The following MYO3A variants were observed in gnomAD, a reference collection of about 807,000 sequenced individuals.
The protein encoded by MYO3A is myosin IIIA.
In MYO3A, 180 loss-of-function variants were observed where a neutral mutation model predicts 192.7. That is an observed-to-expected ratio of 0.93 (90% CI 0.83 to 1.06). The LOEUF (loss-of-function observed/expected upper bound fraction) is 1.06. MYO3A is among the 50% of genes least tolerant of loss of function. MYO3A has a pLI of 0.00. For missense variants in MYO3A, 1,896 were observed against 1,905.0 expected (o/e 1.00, Z 0.09); for synonymous variants, 628 against 645.3 (o/e 0.97, Z 0.41).
intron 17 of MYO3A, among the ~76,000 whole-genome samples, chr10:26,113,711 G>A (rs950747800): frequency 6.6e-6 from 1 of 152,094 alleles, no homozygotes; most frequent in African/African-American, 2.4e-5. Flanking sequence ...ATAATTCTGT[G>A]CTAGGGAGTC....
At chr10:26,018,895 G>A (rs1021733121) in intron 7 of MYO3A, among the ~76,000 whole-genome samples, 4 of 152,090 alleles carry the variant, frequency 2.6e-5, no homozygotes, top group African/African-American at 9.7e-5. Flanking sequence ...TGGGGCAAAA[G>A]ACATTATTTT....
chr10:26,029,650 T>C (rs1367393636), intron 10 of MYO3A, among the ~76,000 whole-genome samples: 1 of 152,204 alleles, frequency 6.6e-6, no homozygotes, highest in Non-Finnish European at 1.5e-5. Context: ...TCTTTTCATA[T>C]CTGACTTTTT....
intron 6 of MYO3A, among the ~76,000 whole-genome samples, chr10:26,004,552 C>G (rs1180527276): frequency 6.6e-6 from 1 of 152,022 alleles, no homozygotes; most frequent in Non-Finnish European, 1.5e-5. Context: ...CATCTAGCAC[C>G]TAGCTTTTGG....
intron 28 of MYO3A, among the ~76,000 whole-genome samples, chr10:26,169,594 C>T (rs1841940319): frequency 6.6e-6 from 1 of 152,010 alleles, no homozygotes; most frequent in Non-Finnish European, 1.5e-5. Flanking sequence ...TTTTATGATC[C>T]ACTAATGGTT....
chr10:26,210,229 A>G (rs1376004622), intron 34 of MYO3A, among the ~76,000 whole-genome samples: 1 of 152,236 alleles, frequency 6.6e-6, no homozygotes, highest in Non-Finnish European at 1.5e-5. Context: ...TAGCCTTGCC[A>G]TGACTTATAT....
intron 4 of MYO3A, among the ~76,000 whole-genome samples, chr10:25,969,252 A>C (rs534857566): frequency 6.6e-6 from 1 of 152,284 alleles, no homozygotes; most frequent in East Asian, 1.9e-4. Flanking sequence ...AAGGCCCCAG[A>C]ATGCAGGAGT....
intron 31 of MYO3A, among the ~76,000 whole-genome samples, chr10:26,178,607 T>C (rs1056299660): frequency 7.2e-5 from 11 of 151,758 alleles, no homozygotes; most frequent in Non-Finnish European, 2.9e-5. Context: ...GGGACAACTT[T>C]ACCCAGGTGT....
At chr10:25,960,950 TC>T (rs762979288) in intron 4 of MYO3A, among the ~76,000 whole-genome samples, 19 of 152,182 alleles carry the variant, frequency 1.2e-4, no homozygotes, top group Non-Finnish European at 2.5e-4. Flanking sequence ...CTTTTACTCA[TC>T]TAAGCTTAGT....
intron 10 of MYO3A, among the ~76,000 whole-genome samples, chr10:26,043,974 T>G (rs1000443077): frequency 2.0e-5 from 3 of 152,212 alleles, no homozygotes; most frequent in Non-Finnish European, 4.4e-5. Flanking sequence ...CATGGTGTAC[T>G]ATCTGGGTAT....
intron 17 of MYO3A, among the ~76,000 whole-genome samples, chr10:26,105,639 G>T (rs924250684): frequency 2.0e-5 from 3 of 151,792 alleles, no homozygotes; most frequent in Non-Finnish European, 2.9e-5. Context: ...CTTTATACTT[G>T]TATAATTTGT....
At chr10:26,013,080 G>C (rs531619157) in intron 6 of MYO3A, among the ~76,000 whole-genome samples, 65 of 152,142 alleles carry the variant, frequency 4.3e-4, no homozygotes, top group African/African-American at 1.6e-3. Flanking sequence ...ACATGTAGAA[G>C]AATGAAACTG....
At chr10:26,004,331 GGGC>G (rs1210490846) in intron 6 of MYO3A, among the ~76,000 whole-genome samples, 6 of 152,060 alleles carry the variant, frequency 3.9e-5, no homozygotes, top group African/African-American at 1.4e-4. Flanking sequence ...TGAGGACAAC[GGGC>G]GGCAGGTTTC....
Position 26,173,833 on chromosome 10 carries a change from A to C in MYO3A, c.3569A>C (p.Lys1190Thr). ...ESNNRVYQTP[K>T]KMNNVYEEEV... The stretch of plus-strand genomic sequence containing the variant: ...AACAACAGAGTGTATCAGACTCCAA[A>C]AAAAATGAATAATGTGTATGAGGAA... Residue 1190 changes from lysine to threonine, a missense_variant, in exon 30 of 35, where the codon AAA becomes ACA. Physicochemically the swap from Lys to Thr is moderately conservative, Grantham distance 78 (BLOSUM62 -1). Coordinates refer to ENST00000642920, the MANE Select transcript of MYO3A (RefSeq NM_017433.5). 4 of 1,614,114 alleles carry C rather than the reference A, an allele frequency of 2.5e-6. No individual in the cohort carries two copies. The highest frequency in any genetic ancestry group is 3.4e-6 in the Non-Finnish European group (4 of 1,180,026).
Position 26,212,191 on chromosome 10 carries a change from A to G in MYO3A, c.*228A>G, listed in dbSNP as rs1844253748. ...ACCTCCCCCGACGCTCTCTCTCGGA[A>G]CTCCCGCACCCTCCTTTCTCACCAG... On this transcript the variant is annotated 3_prime_UTR_variant, in exon 35 of 35. Transcript: ENST00000642920. 2 of 579,028 alleles carry G rather than the reference A, an allele frequency of 3.5e-6. No individual in the cohort carries two copies. Among genetic ancestry groups the G allele is most frequent in the African/African-American group, 1.9e-5 (1 of 53,504 alleles). The allele number at this position is 579,028 out of a possible 1,614,324, so 35.9% of individuals were successfully genotyped here. A position where few individuals can be genotyped will look rare whatever the true frequency, so the allele number is the denominator to read the frequency against.
In MYO3A at chr10:26,105,298, T is replaced by C. The variant is rs565517837; in HGVS notation, c.1776+8616T>C. 9.8e-5 allele frequency among the ~76,000 whole-genome samples: 15 copies of C among 152,286 alleles called. No homozygotes were observed. In the South Asian group the frequency reaches 3.1e-3, roughly 32 times the overall value. ...TAGAACTTGCAAGATTGCCTTCCAATAGTTCTGTAGCACTTCACATTTCCA... is the reference window on the plus strand; with the variant it reads ...TAGAACTTGCAAGATTGCCTTCCAACAGTTCTGTAGCACTTCACATTTCCA... On this transcript the variant is annotated intron_variant, in intron 17 of 34. Coordinates refer to ENST00000642920, the MANE Select transcript of MYO3A (RefSeq NM_017433.5).
At chr10:25,961,348 A>G (rs1453457450) in intron 4 of MYO3A, among the ~76,000 whole-genome samples, 1 of 152,176 alleles carries the variant, frequency 6.6e-6, no homozygotes, top group Admixed American at 6.6e-5. Context: ...ACCTGGAATT[A>G]GGAGACAGTT....
At chr10:26,041,403 G>A (rs1231808403) in intron 10 of MYO3A, among the ~76,000 whole-genome samples, 1 of 151,938 alleles carries the variant, frequency 6.6e-6, no homozygotes, top group South Asian at 2.1e-4. Context: ...TGATTGGAGA[G>A]TTTAGTCCAC....
At chr10:25,990,419 G>T (rs1839940175) in intron 4 of MYO3A, among the ~76,000 whole-genome samples, 1 of 151,840 alleles carries the variant, frequency 6.6e-6, no homozygotes, top group Non-Finnish European at 1.5e-5. Context: ...AATCAATAAT[G>T]CTTTTAAGCC....
At chr10:25,981,099 G>A (rs1382676581) in intron 4 of MYO3A, among the ~76,000 whole-genome samples, 2 of 152,132 alleles carry the variant, frequency 1.3e-5, no homozygotes, top group South Asian at 2.1e-4. Context: ...CACACAGTAT[G>A]TAGCCTTTTC....
Sources: allele counts gnomAD v4.1 joint callset (sites outside exome capture counted in the v4.1 genomes callset), GRCh38; gene constraint gnomAD v4.1.1; transcripts MANE v1.5; gene names NCBI Gene and HGNC (gene_info 2026-07-23, HGNC 2026-07-21).